Variants in AKT3 observed in about 807,000 individuals in gnomAD.
AKT3 encodes RAC-gamma serine/threonine-protein kinase.
AKT3 carries 15 observed loss-of-function variants against 65.3 expected under a neutral mutation model. The ratio of observed to expected loss-of-function variants is 0.23; its 90% CI spans 0.15 to 0.35. AKT3 has a LOEUF of 0.35. Among genes scored for constraint, AKT3 ranks in the 10% least tolerant of loss-of-function variants. AKT3 has a pLI of 1.00. For missense variants in AKT3, 243 were observed against 576.5 expected (o/e 0.42, Z 5.92); for synonymous variants, 206 against 183.8 (o/e 1.12, Z -0.98).
intron 2 of AKT3, among the ~76,000 whole-genome samples, chr1:243,743,704 C>T (rs1378680607): frequency 6.6e-6 from 1 of 152,050 alleles, no homozygotes; most frequent in Non-Finnish European, 1.5e-5. Flanking sequence ...CATTAGTTAT[C>T]AGGGGAATAC....
chr1:243,845,374 C>T (rs934000827), intron 1 of AKT3, among the ~76,000 whole-genome samples: 22 of 149,766 alleles, frequency 1.5e-4, no homozygotes, highest in Non-Finnish European at 1.9e-4. Flanking sequence ...GAGGCCAGGG[C>T]AGGAGGATCA....
intron 2 of AKT3, among the ~76,000 whole-genome samples, chr1:243,781,120 T>C (rs1319948339): frequency 6.6e-6 from 1 of 152,116 alleles, no homozygotes; most frequent in Non-Finnish European, 1.5e-5. Context: ...TTTTTTTCTA[T>C]GGAAAAAATT....
At chr1:243,569,822 A>T (rs1416687684) in intron 9 of AKT3, among the ~76,000 whole-genome samples, 1 of 152,238 alleles carries the variant, frequency 6.6e-6, no homozygotes, top group African/African-American at 2.4e-5. Context: ...TGTTCAGCCT[A>T]CGCTGTGCTT....
chr1:243,839,861 C>T (rs1287226243), intron 2 of AKT3, among the ~76,000 whole-genome samples: 1 of 144,534 alleles, frequency 6.9e-6, no homozygotes, highest in Non-Finnish European at 1.5e-5. Flanking sequence ...AACATGACTC[C>T]ATCTCAAAAA....
chr1:243,785,386 A>T (rs1428913810), intron 2 of AKT3, among the ~76,000 whole-genome samples: 1 of 151,768 alleles, frequency 6.6e-6, no homozygotes, highest in African/African-American at 2.4e-5. Flanking sequence ...CCCCACCTCA[A>T]TTTTATAATA....
At chr1:243,664,007 C>T (rs191097521) in intron 4 of AKT3, among the ~76,000 whole-genome samples, 10 of 152,138 alleles carry the variant, frequency 6.6e-5, no homozygotes, top group African/African-American at 2.2e-4. Context: ...TCCTCTCTCC[C>T]GCTCCTTAGA....
At chr1:243,787,587 A>G (rs2148327923) in intron 2 of AKT3, among the ~76,000 whole-genome samples, 1 of 152,354 alleles carries the variant, frequency 6.6e-6, no homozygotes, top group East Asian at 1.9e-4. Flanking sequence ...AACAATAATT[A>G]CTTTTCTTTT....
intron 2 of AKT3, among the ~76,000 whole-genome samples, chr1:243,731,545 A>G (rs970590683): frequency 2.0e-5 from 3 of 152,248 alleles, no homozygotes; most frequent in African/African-American, 7.2e-5. Flanking sequence ...TAGCCACCGC[A>G]GCTATTTAAA....
chr1:243,742,440 T>C (rs1302490608), intron 2 of AKT3, among the ~76,000 whole-genome samples: 1 of 151,990 alleles, frequency 6.6e-6, no homozygotes, highest in Non-Finnish European at 1.5e-5. Flanking sequence ...GCCTGGCCAA[T>C]ATGGCGAAAC....
chr1:243,848,562 T>C (rs1179139092), intron 1 of AKT3, among the ~76,000 whole-genome samples: 2 of 152,208 alleles, frequency 1.3e-5, no homozygotes, highest in African/African-American at 4.8e-5. Context: ...CCTAAACCAA[T>C]GAGTTTCACT....
At chr1:243,646,770 C>T (rs1489742616) in intron 4 of AKT3, among the ~76,000 whole-genome samples, 3 of 152,046 alleles carry the variant, frequency 2.0e-5, no homozygotes, top group Admixed American at 2.0e-4. Context: ...GTCCAACAGA[C>T]ATTCCAAGGA....
intron 4 of AKT3, among the ~76,000 whole-genome samples, chr1:243,660,513 C>T (rs554238372): frequency 6.6e-6 from 1 of 152,298 alleles, no homozygotes; most frequent in Non-Finnish European, 1.5e-5. Context: ...TTCAACAACC[C>T]TTCATGCTAA....
At chr1:243,749,901 T>TA (rs1558776639) in intron 2 of AKT3, among the ~76,000 whole-genome samples, 2 of 152,236 alleles carry the variant, frequency 1.3e-5, no homozygotes, top group Non-Finnish European at 2.9e-5. Context: ...GTGGCCTCTT[T>TA]ACAGGCCTTG....
chr1:243,801,817 G>C (rs1692398881), intron 2 of AKT3, among the ~76,000 whole-genome samples: 1 of 152,166 alleles, frequency 6.6e-6, no homozygotes, highest in Admixed American at 6.5e-5. Flanking sequence ...GCCACATTTA[G>C]TCAACAGCAA....
At chr1:243,777,081 C>T (rs779400066) in intron 2 of AKT3, among the ~76,000 whole-genome samples, 5 of 152,114 alleles carry the variant, frequency 3.3e-5, no homozygotes, top group Non-Finnish European at 7.4e-5. Flanking sequence ...AACACTTTAA[C>T]AGCAGTCCTC....
intron 2 of AKT3, among the ~76,000 whole-genome samples, chr1:243,806,012 C>A (rs1404473666): frequency 6.6e-6 from 1 of 152,126 alleles, no homozygotes; most frequent in Non-Finnish European, 1.5e-5. Context: ...AAAACCATGG[C>A]ATGCACACAC....
chr1:243,712,766 A>G (rs1350062856), intron 2 of AKT3, among the ~76,000 whole-genome samples: 3 of 152,204 alleles, frequency 2.0e-5, no homozygotes. Context: ...AATAAACCAG[A>G]CATTTAAGTA....
At chr1:243,845,528 AG>A (rs1338942378) in intron 1 of AKT3, among the ~76,000 whole-genome samples, 1 of 121,482 alleles carries the variant, frequency 8.2e-6, no homozygotes, top group Non-Finnish European at 1.7e-5. Context: ...ACCTGAGCCC[AG>A]GAAGTCTAGG....
In AKT3 at chr1:243,681,778, C is replaced by T. The variant is rs144815619; in HGVS notation, c.172+13813G>A. Reference sequence around the variant, plus strand: ...CACGTACTTGCTTTGAGGTTCTGGGCAAGTTTTTCAGTCTCTCTAGGTCTC... The same window carrying T: ...CACGTACTTGCTTTGAGGTTCTGGGTAAGTTTTTCAGTCTCTCTAGGTCTC... On this transcript the variant is annotated intron_variant, in intron 3 of 13. Transcript: ENST00000673466. Among the ~76,000 whole-genome samples, 22 of 152,168 alleles carry T rather than the reference C, an allele frequency of 1.4e-4. 1 individual carries two copies. In the East Asian group the frequency reaches 4.2e-3, roughly 29 times the overall value.
Sources: allele counts gnomAD v4.1 joint callset (sites outside exome capture counted in the v4.1 genomes callset), GRCh38; gene constraint gnomAD v4.1.1; transcripts MANE v1.5; gene names NCBI Gene and HGNC (gene_info 2026-07-23, HGNC 2026-07-21).